ANKFN1: variants seen among roughly 807,000 people sequenced by gnomAD.
ANKFN1 encodes ankyrin repeat and fibronectin type III domain containing 1.
Under a neutral mutation model 108.7 loss-of-function variants are expected in ANKFN1, and 74 were observed. The observed-to-expected ratio is 0.68, with a 90% CI of 0.56 to 0.83. ANKFN1 has a LOEUF of 0.83. ANKFN1 is among the 40% of genes least tolerant of loss of function. The probability of loss-of-function intolerance (pLI) is 0.00; values close to 1 mark genes in which losing one functional copy is unlikely to be tolerated. For missense variants in ANKFN1, 1,505 were observed against 1,382.3 expected, an observed-to-expected ratio of 1.09 and a Z score of -1.41; for synonymous variants, 547 against 516.2, an observed-to-expected ratio of 1.06 and a Z score of -0.81.
intron 20 of ANKFN1, among the ~76,000 whole-genome samples, chr17:56,509,287 T>C (rs537569686): frequency 1.6e-4 from 24 of 152,282 alleles, no homozygotes; most frequent in African/African-American, 5.8e-4. Flanking sequence ...AAGGAGACAA[T>C]TCAAGGTTGA....
chr17:56,231,507 G>A (rs1916735280), intron 3 of ANKFN1, among the ~76,000 whole-genome samples: 1 of 152,146 alleles, frequency 6.6e-6, no homozygotes, highest in South Asian at 2.1e-4. Flanking sequence ...ATGGCTGCTA[G>A]GCACTGTGCT....
intron 1 of ANKFN1, among the ~76,000 whole-genome samples, chr17:56,196,413 C>T (rs1913511007): frequency 6.6e-6 from 1 of 152,062 alleles, no homozygotes; most frequent in Non-Finnish European, 1.5e-5. Flanking sequence ...GAGTTGCAGC[C>T]AGGAGGACTG....
chr17:56,486,340 G>A lies in ANKFN1; in HGVS notation c.2260+3816G>A, dbSNP rs374590490. Among the ~76,000 whole-genome samples the A allele has an allele frequency of 1.2e-3, 185 of 152,200 alleles. 3 individuals are homozygous for A. Among genetic ancestry groups the A allele is most frequent in the African/African-American group, 4.3e-3 (179 of 41,524 alleles). On this transcript the variant is annotated intron_variant, in intron 18 of 20. Coordinates refer to ENST00000682825, the MANE Select transcript of ANKFN1 (RefSeq NM_001370326.1). ...TTCTATTAGTCTTTTTTTAGGGACC[G>A]GAGGAAATGTTGCCAGTAGCAGAAA...
intron 3 of ANKFN1, among the ~76,000 whole-genome samples, chr17:56,322,041 C>T (rs1172249410): frequency 1.3e-5 from 2 of 152,146 alleles, no homozygotes; most frequent in Non-Finnish European, 2.9e-5. Flanking sequence ...AAAATCTTTA[C>T]CTGGTGCTAA....
chr17:56,382,410 A>C (rs1245854107), intron 8 of ANKFN1, among the ~76,000 whole-genome samples: 3 of 152,214 alleles, frequency 2.0e-5, no homozygotes, highest in Non-Finnish European at 4.4e-5. Flanking sequence ...GCTAGGAAGA[A>C]ACTGCATCAA....
chr17:56,332,970 T>G (rs1349649506), intron 4 of ANKFN1, among the ~76,000 whole-genome samples: 1 of 80,174 alleles, frequency 1.2e-5, no homozygotes. Context: ...AAGGTGTGTA[T>G]ATATGTGTGT....
intron 1 of ANKFN1, among the ~76,000 whole-genome samples, chr17:56,208,892 ATTT>A (rs1405700849): frequency 6.6e-6 from 1 of 150,982 alleles, no homozygotes; most frequent in Non-Finnish European, 1.5e-5. Context: ...TATTATTATT[ATTT>A]TTTTTTAAGA....
chr17:56,409,472 A>G (rs1446007993), intron 8 of ANKFN1, among the ~76,000 whole-genome samples: 1 of 152,236 alleles, frequency 6.6e-6, no homozygotes, highest in Non-Finnish European at 1.5e-5. Context: ...TAGTGGCCTC[A>G]GAGCCTAAGA....
At chr17:56,338,525 C>A (rs980589501) in intron 4 of ANKFN1, among the ~76,000 whole-genome samples, 1 of 152,008 alleles carries the variant, frequency 6.6e-6, no homozygotes, top group African/African-American at 2.4e-5. Context: ...TAATAAGGAA[C>A]GCTCTCTTAA....
rs964226197 is a variant in ANKFN1, at chr17:56,516,646, A to G, written c.*5377A>G. ...GTACTGTAAATGTCCAGTACCCTCA[A>G]TCAAAAACAGCACTGGTAAAATGTA... On this transcript the variant is annotated 3_prime_UTR_variant, in exon 21 of 21. Transcript: ENST00000682825. Among the ~76,000 whole-genome samples the G allele has an allele frequency of 6.6e-6, 1 of 152,220 alleles. No homozygotes were observed. Among genetic ancestry groups the G allele is most frequent in the Admixed American group, 6.5e-5 (1 of 15,282 alleles).
At chr17:56,261,250 T>G (rs1324348997) in intron 3 of ANKFN1, among the ~76,000 whole-genome samples, 2 of 152,242 alleles carry the variant, frequency 1.3e-5, no homozygotes, top group Admixed American at 6.5e-5. Flanking sequence ...TTTCTCATTT[T>G]CTTATTAATC....
Position 56,203,467 on chromosome 17 carries a change from G to A in ANKFN1, c.-70-9131G>A, listed in dbSNP as rs146127944. On this transcript the variant is annotated intron_variant, in intron 1 of 20. Coordinates refer to ENST00000682825, the MANE Select transcript of ANKFN1 (RefSeq NM_001370326.1). ...ATTCATTCCTGATCTCTAGGACTTT[G>A]ATCTCCGTGGCCAGTCTCCAAACTG... 3.3e-5 allele frequency among the ~76,000 whole-genome samples: 5 copies of A among 152,232 alleles called. No individual in the cohort carries two copies. The East Asian group carries it at 9.7e-4, about 29-fold the overall frequency.
intron 8 of ANKFN1, among the ~76,000 whole-genome samples, chr17:56,394,085 G>C (rs978761629): frequency 6.6e-6 from 1 of 152,220 alleles, no homozygotes; most frequent in South Asian, 2.1e-4. Flanking sequence ...TCACTTTGCA[G>C]TGTAAAGAAA....
chr17:56,307,578 A>G (rs1316451313), intron 3 of ANKFN1, among the ~76,000 whole-genome samples: 1 of 152,214 alleles, frequency 6.6e-6, no homozygotes, highest in African/African-American at 2.4e-5. Flanking sequence ...TCAGTAAACA[A>G]CAGGTGCTGG....
intron 15 of ANKFN1, chr17:56,471,204 C>T (rs79039073): frequency 2.0e-5 from 3 of 152,890 alleles, no homozygotes; most frequent in East Asian, 1.9e-4. Flanking sequence ...ACTTCTGACT[C>T]CTAGGCTGAT....
intron 19 of ANKFN1, among the ~76,000 whole-genome samples, chr17:56,492,628 C>A (rs2051076252): frequency 6.6e-6 from 1 of 152,030 alleles, no homozygotes; most frequent in Non-Finnish European, 1.5e-5. Flanking sequence ...AGAAAAATCA[C>A]CCCCCAGAAG....
At chr17:56,448,833 A>G (rs929759063) in intron 10 of ANKFN1, among the ~76,000 whole-genome samples, 2 of 152,150 alleles carry the variant, frequency 1.3e-5, no homozygotes, top group African/African-American at 4.8e-5. Context: ...TTGGCTTTCA[A>G]TTACCATTTT....
In ANKFN1 at chr17:56,285,916, C is replaced by T. The variant is rs369373169; in HGVS notation, c.54-40305C>T. 5.7e-4 allele frequency among the ~76,000 whole-genome samples: 87 copies of T among 152,114 alleles called. No individual in the cohort carries two copies. The East Asian group carries it at 7.2e-3, about 13-fold the overall frequency. ...CCCAGTGTTGACCTAGTCTTTGTAA[C>T]ATAAATTTTAGTTTACCCAGGACAT... is the stretch of plus-strand genomic sequence containing the variant. On this transcript the variant is annotated intron_variant, in intron 3 of 20. Transcript: ENST00000682825.
Position 56,317,445 on chromosome 17 carries a change from G to A in ANKFN1, c.54-8776G>A, listed in dbSNP as rs144713403. On this transcript the variant is annotated intron_variant, in intron 3 of 20. Transcript: ENST00000682825. The stretch of plus-strand genomic sequence containing the variant: ...TCCCGCTTATTTTGAATTTAACAAA[G>A]GCTAAAAAGCCCATTGTGAAATGTT... 8.5e-4 allele frequency among the ~76,000 whole-genome samples: 129 copies of A among 152,254 alleles called. 1 individual carries two copies. The highest frequency in any genetic ancestry group is 3.0e-3 in the African/African-American group (126 of 41,552).
Sources: gnomAD v4.1 joint callset for allele counts (sites outside exome capture counted in the v4.1 genomes callset) on GRCh38, gnomAD v4.1.1 for gene constraint, MANE v1.5 for transcripts, NCBI Gene and HGNC (gene_info 2026-07-23, HGNC 2026-07-21) for gene names.